NFAT5: variants seen among roughly 807,000 people sequenced by gnomAD.
The protein encoded by NFAT5 is nuclear factor of activated T-cells 5.
NFAT5 carries 31 observed loss-of-function variants against 166.5 expected under a neutral mutation model. The ratio of observed to expected loss-of-function variants is 0.19; its 90% confidence interval spans 0.14 to 0.25. The LOEUF (loss-of-function observed/expected upper bound fraction) is 0.25. NFAT5 is among the 10% of genes least tolerant of loss of function. NFAT5 has a pLI of 1.00. For missense variants in NFAT5, 1,449 were observed against 1,821.8 expected (o/e 0.80, Z 3.72); for synonymous variants, 612 against 639.7 (o/e 0.96, Z 0.65).
chr16:69,655,677 A>C lies in NFAT5; in HGVS notation c.1074A>C (p.Pro358=), dbSNP rs1224461973. 1 of 1,613,602 alleles carries C rather than the reference A, an allele frequency of 6.2e-7. No individual in the cohort carries two copies. The highest frequency in any genetic ancestry group is 1.3e-5 in the African/African-American group (1 of 74,948). ...GCAACGACTCTGGACGAGTGAAACCACATGGATTTTATCAGGCCTGCAGAG... is the reference window on the plus strand; with the variant it reads ...GCAACGACTCTGGACGAGTGAAACCCCATGGATTTTATCAGGCCTGCAGAG... The part of the protein sequence containing the change: ...FVGNDSGRVK[P]HGFYQACRVT... The change falls in exon 6 of 15, where the codon CCA becomes CCC. Residue 358 remains proline, a synonymous_variant. Coordinates refer to ENST00000349945, the MANE Select transcript of NFAT5 (RefSeq NM_138713.4).
At chr16:69,610,146 C>A (rs9936464) in intron 2 of NFAT5, among the ~76,000 whole-genome samples, 24,392 of 151,954 alleles carry the variant, frequency 0.16, 2,136 homozygotes, top group East Asian at 0.36. Context: ...AAAGTGAAGA[C>A]CCTGAGATAT....
chr16:69,627,893 C>G (rs940401057), intron 3 of NFAT5, among the ~76,000 whole-genome samples: 1 of 151,996 alleles, frequency 6.6e-6, no homozygotes, highest in Non-Finnish European at 1.5e-5. Flanking sequence ...AAATTGCATC[C>G]AATAATAAAA....
chr16:69,582,724 G>A (rs2031779468), intron 2 of NFAT5, among the ~76,000 whole-genome samples: 1 of 145,980 alleles, frequency 6.9e-6, no homozygotes, highest in South Asian at 2.2e-4. Flanking sequence ...CCATTTATCT[G>A]TATGTCTATC....
rs2037596695 is a variant in NFAT5 at position 69,692,712 on chromosome 16, A to G, written c.2887A>G (p.Asn963Asp). 5 of 1,614,108 alleles carry G rather than the reference A, an allele frequency of 3.1e-6. No individual in the cohort carries two copies. Among genetic ancestry groups the G allele is most frequent in the Admixed American group, 3.3e-5 (2 of 60,006 alleles). The change falls in exon 13 of 15, where the codon AAT becomes GAT. Residue 963 changes from asparagine to aspartate, a missense_variant. Coordinates refer to ENST00000349945, the MANE Select transcript of NFAT5 (RefSeq NM_138713.4). Reference sequence around the variant, plus strand: ...TCACATGATGAGTGCATTGTCTACCAATGAGGATATGCAAATGCAGTGTGA... The same window carrying G: ...TCACATGATGAGTGCATTGTCTACCGATGAGGATATGCAAATGCAGTGTGA... ...TSHMMSALST[N>D]EDMQMQCELF...
In NFAT5 at chr16:69,693,489, C is replaced by G; in HGVS notation, c.3664C>G (p.Pro1222Ala). The change falls in exon 13 of 15, where the codon CCG becomes GCG. Residue 1222 changes from proline to alanine, a missense_variant. By Grantham distance (27) the Pro-to-Ala change is conservative. Coordinates refer to ENST00000349945, the MANE Select transcript of NFAT5 (RefSeq NM_138713.4). ...GCTTTCCCAAGAACAGGCACAACCC[C>G]CGCAGCAGGGTTTATTTCAGCCTCA... is the stretch of plus-strand genomic sequence containing the variant. Reference protein sequence around the residue: ...PMLSQEQAQPPQQGLFQPQVA... With the variant: ...PMLSQEQAQPAQQGLFQPQVA... 6.2e-7 allele frequency: 1 copy of G among 1,614,172 alleles called. No homozygotes were observed. Among genetic ancestry groups the G allele is most frequent in the Non-Finnish European group, 8.5e-7 (1 of 1,180,040 alleles).
chr16:69,664,400 T>A (rs1455483150), intron 7 of NFAT5, among the ~76,000 whole-genome samples: 1 of 152,182 alleles, frequency 6.6e-6, no homozygotes, highest in East Asian at 1.9e-4. Context: ...TTCTCCTGCC[T>A]CAGCCTCCCG....
chr16:69,580,625 T>C (rs987595318), intron 2 of NFAT5, among the ~76,000 whole-genome samples: 32 of 152,194 alleles, frequency 2.1e-4, no homozygotes, highest in African/African-American at 4.8e-5. Context: ...AATAATCCTT[T>C]AGTAGTATCC....
chr16:69,614,312 G>A (rs1337281880), intron 2 of NFAT5, among the ~76,000 whole-genome samples: 1 of 152,072 alleles, frequency 6.6e-6, no homozygotes, highest in Non-Finnish European at 1.5e-5. Context: ...GAGCCACCAC[G>A]CTCGGCCCTA....
chr16:69,589,991 C>T (rs1177907245), intron 2 of NFAT5, among the ~76,000 whole-genome samples: 2 of 151,956 alleles, frequency 1.3e-5, no homozygotes, highest in Non-Finnish European at 2.9e-5. Flanking sequence ...ACCAACCCCC[C>T]TCCCCAACTG....
intron 2 of NFAT5, among the ~76,000 whole-genome samples, chr16:69,580,725 G>A (rs1239701237): frequency 6.6e-6 from 1 of 151,998 alleles, no homozygotes; most frequent in African/African-American, 2.4e-5. Flanking sequence ...GCATGATCTC[G>A]GCTCGCTGCA....
At position 69,579,233 on chromosome 16, in the gene NFAT5, G is replaced by A. The variant is rs1248279441; in HGVS notation, c.127+10685G>A. Among the ~76,000 whole-genome samples, 3 of 151,998 alleles carry A rather than the reference G, an allele frequency of 2.0e-5. No individual in the cohort carries two copies. The East Asian group carries it at 5.8e-4, about 29-fold the overall frequency. On this transcript the variant is annotated intron_variant, in intron 2 of 14. Transcript: ENST00000349945. ...GACATTTTTCTGTATTCTTTTTTGT[G>A]TCTGTTATTAAATTATATTCTCTGG...
rs572750419 is a variant in NFAT5, at chr16:69,697,556, G to A, written c.*1205G>A. On this transcript the variant is annotated 3_prime_UTR_variant, in exon 15 of 15. Transcript: ENST00000349945. ...TTGTCACCTCAGTGCTTTACAGTTTGAAGTGGTCACTTACCTGATGGTTCC... is the reference window on the plus strand; with the variant it reads ...TTGTCACCTCAGTGCTTTACAGTTTAAAGTGGTCACTTACCTGATGGTTCC... 2.6e-5 allele frequency: 4 copies of A among 152,686 alleles called. No homozygotes were observed. The highest frequency in any genetic ancestry group is 5.9e-5 in the Non-Finnish European group (4 of 68,022). The allele number at this position is 152,686 out of a possible 1,614,324, so 9.5% of individuals were successfully genotyped here.
intron 3 of NFAT5, among the ~76,000 whole-genome samples, chr16:69,629,195 G>C (rs1487249509): frequency 6.6e-6 from 1 of 152,236 alleles, no homozygotes; most frequent in Non-Finnish European, 1.5e-5. Context: ...GGTGGGAACA[G>C]ACTTCTAGTT....
chr16:69,578,810 T>C (rs2031470247), intron 2 of NFAT5, among the ~76,000 whole-genome samples: 1 of 152,072 alleles, frequency 6.6e-6, no homozygotes, highest in South Asian at 2.1e-4. Context: ...ATATTCAACT[T>C]ATAAACACCT....
chr16:69,646,666 G>T, intron 3 of NFAT5: 2 of 368,380 alleles, frequency 5.4e-6, no homozygotes, highest in Non-Finnish European at 8.9e-6. Context: ...ATTGAATGTG[G>T]ACCACCAGCA....
rs2035344892 is a variant in NFAT5 at position 69,644,334 on chromosome 16, T to C, written c.254-2694T>C. On this transcript the variant is annotated intron_variant, in intron 3 of 14. Coordinates refer to ENST00000349945, the MANE Select transcript of NFAT5 (RefSeq NM_138713.4). Reference sequence around the variant, plus strand: ...TTAAAAAAAATTATTTCATTTGTCTTAAAATGAGTAGAATCTTTGCAATTG... The same window carrying C: ...TTAAAAAAAATTATTTCATTTGTCTCAAAATGAGTAGAATCTTTGCAATTG... 2.0e-5 allele frequency among the ~76,000 whole-genome samples: 3 copies of C among 152,182 alleles called. No individual in the cohort carries two copies. In the South Asian group the frequency reaches 6.2e-4, roughly 32 times the overall value.
At chr16:69,593,520 G>T in intron 2 of NFAT5, among the ~76,000 whole-genome samples, 1 of 150,790 alleles carries the variant, frequency 6.6e-6, no homozygotes, top group Non-Finnish European at 1.5e-5. Flanking sequence ...TCCCTAGGTT[G>T]CCCAGGCGTG....
intron 2 of NFAT5, among the ~76,000 whole-genome samples, chr16:69,608,158 C>G (rs761235384): frequency 6.7e-6 from 1 of 150,060 alleles, no homozygotes; most frequent in Non-Finnish European, 1.5e-5. Context: ...AGTTCGAGAC[C>G]AGGCTGGCCA....
intron 2 of NFAT5, among the ~76,000 whole-genome samples, chr16:69,599,894 T>A (rs948606654): frequency 6.6e-5 from 10 of 152,022 alleles, no homozygotes; most frequent in Admixed American, 3.9e-4. Flanking sequence ...AGGTGCTAGA[T>A]CATGTAAGGA....
Sources: allele counts gnomAD v4.1 joint callset (sites outside exome capture counted in the v4.1 genomes callset), GRCh38; gene constraint gnomAD v4.1.1; transcripts MANE v1.5; gene names NCBI Gene and HGNC (gene_info 2026-07-23, HGNC 2026-07-21).